The following OXR1 variants were observed in gnomAD, a reference collection of about 807,000 sequenced individuals.
OXR1 encodes the protein oxidation resistance protein 1.
Under a neutral mutation model 104.6 loss-of-function variants are expected in OXR1, and 41 were observed. The ratio of observed to expected loss-of-function variants is 0.39; its 90% CI spans 0.31 to 0.51. The LOEUF is 0.51. Among genes scored for constraint, OXR1 ranks in the 20% least tolerant of loss-of-function variants. The pLI is 0.77. For synonymous variants in OXR1, 348 were observed against 348.4 expected, an observed-to-expected ratio of 1.00 and a Z score of 0.01; for missense variants, 955 against 1,031.9, an observed-to-expected ratio of 0.93 and a Z score of 1.02.
intron 3 of OXR1, among the ~76,000 whole-genome samples, chr8:106,662,768 T>C (rs1825888784): frequency 6.6e-6 from 1 of 152,134 alleles, no homozygotes; most frequent in South Asian, 2.1e-4. Flanking sequence ...GAAGGGTTTC[T>C]AACCTAATAT....
intron 1 of OXR1, among the ~76,000 whole-genome samples, chr8:106,290,034 A>G (rs1441722818): frequency 6.6e-6 from 1 of 152,176 alleles, no homozygotes; most frequent in African/African-American, 2.4e-5. Flanking sequence ...CTGGGAGTCA[A>G]TTAAACCTCT....
intron 2 of OXR1, among the ~76,000 whole-genome samples, chr8:106,373,748 C>T (rs1187052533): frequency 2.6e-5 from 4 of 152,096 alleles, no homozygotes; most frequent in Non-Finnish European, 5.9e-5. Context: ...TGCCATCACA[C>T]CTGGCTAGTT....
At position 106,482,151 on chromosome 8, in the gene OXR1, A is replaced by G. The variant is rs533459021; in HGVS notation, c.24-36792A>G. ...AAAAAGGTATGAAATTGCCAAAACA[A>G]CTTAGAGTAAGTAACATCAAGCTGC... On this transcript the variant is annotated intron_variant, in intron 2 of 16. Coordinates refer to ENST00000517566, the MANE Select transcript of OXR1 (RefSeq NM_001198533.2). Among the ~76,000 whole-genome samples, 12 of 152,084 alleles carry G rather than the reference A, an allele frequency of 7.9e-5. No homozygotes were observed. In the East Asian group the frequency reaches 2.1e-3, roughly 27 times the overall value.
intron 2 of OXR1, among the ~76,000 whole-genome samples, chr8:106,382,610 G>C (rs115769073): frequency 0.027 from 4,127 of 150,112 alleles, 59 homozygotes; most frequent in Non-Finnish European, 0.032. Context: ...CCACAGCCCA[G>C]CTCTGCTAGA....
intron 2 of OXR1, among the ~76,000 whole-genome samples, chr8:106,423,464 G>A (rs965817953): frequency 1.3e-5 from 2 of 152,068 alleles, no homozygotes; most frequent in African/African-American, 4.8e-5. Flanking sequence ...TTATAGCTAG[G>A]TTATACTCTA....
At position 106,706,597 on chromosome 8, in the gene OXR1, A is replaced by G. The variant is rs28921419; in HGVS notation, c.1076A>G (p.Gln359Arg). 6.2e-7 allele frequency: 1 copy of G among 1,612,762 alleles called. No homozygotes were observed. Among genetic ancestry groups the G allele is most frequent in the African/African-American group, 1.3e-5 (1 of 74,790 alleles). The change falls in exon 9 of 17, where the codon CAA becomes CGA. Residue 359 changes from glutamine (Q) to arginine (R), a missense_variant. Physicochemically the swap from Gln to Arg is conservative, Grantham distance 43. This residue lies in a region of OXR1 where 849 missense variants were observed against 852.9 expected (regional missense o/e 1.00). Transcript: ENST00000517566. ...EELVSSDELR[Q>R]DKSSGASSES... is the part of the protein sequence containing the mutation. ...CTTGTATCTTCAGATGAACTGCGAC[A>G]AGATAAATCTTCTGGTGCGTCATCA...
chr8:106,612,543 A>G (rs1820894411), intron 3 of OXR1, among the ~76,000 whole-genome samples: 1 of 151,826 alleles, frequency 6.6e-6, no homozygotes, highest in Non-Finnish European at 1.5e-5. Context: ...TCTTTAATTC[A>G]TTTCCTTTCT....
At chr8:106,329,970 T>C (rs1396973202) in intron 1 of OXR1, among the ~76,000 whole-genome samples, 1 of 152,106 alleles carries the variant, frequency 6.6e-6, no homozygotes. Context: ...AAACTTTAAA[T>C]GAATGTTGGC....
At chr8:106,497,332 A>G (rs1021985328) in intron 2 of OXR1, among the ~76,000 whole-genome samples, 6 of 152,206 alleles carry the variant, frequency 3.9e-5, no homozygotes, top group Non-Finnish European at 8.8e-5. Flanking sequence ...TTAATGGAGA[A>G]ATATGAGTCG....
intron 3 of OXR1, among the ~76,000 whole-genome samples, chr8:106,554,761 C>T (rs1563601925): frequency 2.0e-5 from 3 of 152,070 alleles, no homozygotes; most frequent in Non-Finnish European, 4.4e-5. Context: ...TGCTCTAAGC[C>T]AATGTTAGTT....
chr8:106,524,900 A>C (rs1813539894), intron 3 of OXR1, among the ~76,000 whole-genome samples: 1 of 152,164 alleles, frequency 6.6e-6, no homozygotes, highest in African/African-American at 2.4e-5. Context: ...GGCTCCATAG[A>C]GCAAGACACC....
intron 1 of OXR1, among the ~76,000 whole-genome samples, chr8:106,333,265 T>C (rs1003009608): frequency 2.0e-5 from 3 of 152,116 alleles, no homozygotes; most frequent in African/African-American, 7.2e-5. Context: ...CAGCAATATA[T>C]GGAGATTCAA....
chr8:106,432,534 G>A (rs1353326242), intron 2 of OXR1, among the ~76,000 whole-genome samples: 4 of 152,072 alleles, frequency 2.6e-5, no homozygotes, highest in African/African-American at 7.2e-5. Context: ...CTTGTCTCAC[G>A]TGAGTTGCTT....
intron 3 of OXR1, among the ~76,000 whole-genome samples, chr8:106,549,571 G>C (rs4419786): frequency 0.03 from 4,570 of 152,118 alleles, 227 homozygotes; most frequent in African/African-American, 0.1. Flanking sequence ...TGCTATAACA[G>C]AATACTATAG....
At chr8:106,325,426 G>A (rs1203179801) in intron 1 of OXR1, among the ~76,000 whole-genome samples, 1 of 152,192 alleles carries the variant, frequency 6.6e-6, no homozygotes, top group Non-Finnish European at 1.5e-5. Context: ...GCGCAAATGA[G>A]ATTTCCTAGT....
intron 6 of OXR1, among the ~76,000 whole-genome samples, chr8:106,687,801 A>G (rs889451709): frequency 7.2e-5 from 11 of 152,124 alleles, no homozygotes; most frequent in Non-Finnish European, 7.4e-5. Flanking sequence ...TAGAGGAGGA[A>G]ACAGAGGAAG....
At chr8:106,736,534 A>G (rs1184671055) in intron 11 of OXR1, among the ~76,000 whole-genome samples, 1 of 152,198 alleles carries the variant, frequency 6.6e-6, no homozygotes, top group Non-Finnish European at 1.5e-5. Context: ...AACTAGTCAT[A>G]GCTCAAGAGA....
At chr8:106,577,991 G>A (rs568166166) in intron 3 of OXR1, among the ~76,000 whole-genome samples, 1 of 152,194 alleles carries the variant, frequency 6.6e-6, no homozygotes, top group Non-Finnish European at 1.5e-5. Flanking sequence ...CTTCAGAGAC[G>A]CCAGCATTAG....
intron 2 of OXR1, among the ~76,000 whole-genome samples, chr8:106,477,863 A>C (rs1437853158): frequency 6.6e-6 from 1 of 151,970 alleles, no homozygotes; most frequent in Non-Finnish European, 1.5e-5. Context: ...GATTATTATA[A>C]GAATTAAATG....
Sources: gnomAD v4.1 joint callset for allele counts (sites outside exome capture counted in the v4.1 genomes callset) on GRCh38, gnomAD v4.1.1 for gene constraint, gnomAD v4.1.1 regional missense constraint, MANE v1.5 for transcripts, NCBI Gene and HGNC (gene_info 2026-07-23, HGNC 2026-07-21) for gene names.